The following APOL2 variants were observed in gnomAD, a reference collection of about 807,000 sequenced individuals.
APOL2 encodes the protein apolipoprotein L, 2.
In APOL2, 8 loss-of-function variants were observed where a neutral mutation model predicts 7.1. That is an observed-to-expected ratio of 1.12 (90% CI 0.66 to 2.03). The LOEUF (loss-of-function observed/expected upper bound fraction) is 2.03, where lower values mean the gene tolerates loss of function less well. APOL2 is among the 30% of genes most tolerant of loss of function. The probability of loss-of-function intolerance (pLI) is 0.00; values close to 1 mark genes in which losing one functional copy is unlikely to be tolerated. For synonymous variants in APOL2, 177 were observed against 159.9 expected (o/e 1.11, Z -0.81); for missense variants, 471 against 415.1 (o/e 1.13, Z -1.17).
At chr22:36,230,644 T>C (rs887426859) in intron 4 of APOL2, among the ~76,000 whole-genome samples, 1 of 152,156 alleles carries the variant, frequency 6.6e-6, no homozygotes, top group Non-Finnish European at 1.5e-5. Context: ...ACCTTTGACC[T>C]GGAGTTGCCT....
intron 4 of APOL2, among the ~76,000 whole-genome samples, chr22:36,230,584 G>T (rs1387757330): frequency 6.6e-6 from 1 of 152,128 alleles, no homozygotes. Flanking sequence ...CTCTGACACT[G>T]GTCCCGGTCT....
intron 3 of APOL2, among the ~76,000 whole-genome samples, chr22:36,232,950 G>C (rs1245535210): frequency 6.6e-6 from 1 of 152,018 alleles, no homozygotes; most frequent in Non-Finnish European, 1.5e-5. Context: ...CCTGGGCCGT[G>C]TCACCCCGAG....
rs779100390 is a variant in APOL2, at chr22:36,227,638, A to G, written c.780T>C (p.Val260=). ...TCATTGCCTGGGCGGGGCCTTCAACAACCCTCTCAACCTGTTCACCGCCTT... is the reference window on the plus strand; with the variant it reads ...TCATTGCCTGGGCGGGGCCTTCAACGACCCTCTCAACCTGTTCACCGCCTT... ...SAEGGEQVER[V]VEGPAQAMSR... Residue 260 remains valine (V), a synonymous_variant, in exon 5 of 5, where the codon GTT becomes GTC. Transcript: ENST00000358502. 2 of 1,614,200 alleles carry G rather than the reference A, an allele frequency of 1.2e-6. No individual in the cohort carries two copies. The highest frequency in any genetic ancestry group is 4.5e-5 in the East Asian group (2 of 44,880).
In APOL2 at chr22:36,233,584, T is replaced by A. The variant is rs1385960417; in HGVS notation, c.-133-129A>T. 4 of 830,716 alleles carry A rather than the reference T, an allele frequency of 4.8e-6. No homozygotes were observed. In the South Asian group the frequency reaches 6.2e-5, roughly 13 times the overall value. The allele number at this position is 830,716 out of a possible 1,614,324, so 51.5% of individuals were successfully genotyped here. ...TGACAATGACCTGGGCCTGGGAACA[T>A]GTATGATAACTAGTTGATGATAGCC... On this transcript the variant is annotated intron_variant, in intron 1 of 4. Coordinates refer to ENST00000358502, the MANE Select transcript of APOL2 (RefSeq NM_030882.4).
rs1189862241 is a variant in APOL2 at position 36,231,335 on chromosome 22, C to G, written c.137+5G>C. The stretch of plus-strand genomic sequence containing the variant: ...GCCCCATGGAGTTAACCCCATGGAG[C>G]TTACCTGGGCAGTTCAGCAGCAGCC... On this transcript the variant is annotated splice_donor_5th_base_variant and intron_variant, in intron 4 of 4. Transcript: ENST00000358502. The G allele has an allele frequency of 1.2e-6, 2 of 1,613,744 alleles. No individual in the cohort carries two copies. The highest frequency in any genetic ancestry group is 1.7e-6 in the Non-Finnish European group (2 of 1,179,790).
In APOL2 at chr22:36,227,140, C is replaced by T; in HGVS notation, c.*264G>A. The T allele has an allele frequency of 3.0e-6, 1 of 338,908 alleles. No individual in the cohort carries two copies. Among genetic ancestry groups the T allele is most frequent in the Admixed American group, 4.5e-5 (1 of 22,136 alleles). The allele number at this position is 338,908 out of a possible 1,614,324, so 21.0% of individuals were successfully genotyped here. A position where few individuals can be genotyped will look rare whatever the true frequency, so the allele number is the denominator to read the frequency against. The stretch of plus-strand genomic sequence containing the variant: ...ACCATCGTGGCTAACACAGTGAAAC[C>T]CCGTCTCCAGTGAAAATACAAAAAA... On this transcript the variant is annotated 3_prime_UTR_variant, in exon 5 of 5. Coordinates refer to ENST00000358502, the MANE Select transcript of APOL2 (RefSeq NM_030882.4).
At chr22:36,236,327 TCTTTTAAAGAG>T (rs931449221) in intron 1 of APOL2, among the ~76,000 whole-genome samples, 32 of 152,222 alleles carry the variant, frequency 2.1e-4, no homozygotes, top group African/African-American at 7.5e-4. Context: ...AATATTGTCA[TCTTTTAAAGAG>T]GGGAGTCAAG....
intron 1 of APOL2, among the ~76,000 whole-genome samples, chr22:36,233,714 A>G (rs1480971601): frequency 4.6e-5 from 7 of 152,232 alleles, no homozygotes; most frequent in Admixed American, 4.6e-4. Flanking sequence ...TTGAACACAG[A>G]GGAATCCACA....
chr22:36,226,668 G>GA lies in APOL2; in HGVS notation c.*735_*736insT, dbSNP rs1047255007. On this transcript the variant is annotated 3_prime_UTR_variant, in exon 5 of 5. Transcript: ENST00000358502. The stretch of plus-strand genomic sequence containing the variant: ...CTTGGAAGGACATCAAACCTGGGGG[G>GA]GGGTCGGTAGTGGAGCTGCTGTTTC... 2 of 150,422 alleles carry GA rather than the reference G, an allele frequency of 1.3e-5. No homozygotes were observed. Among genetic ancestry groups the GA allele is most frequent in the Non-Finnish European group, 2.9e-5 (2 of 68,106 alleles). 9.3% of individuals were successfully genotyped at this position (150,422 alleles called of 1,614,324 possible). A position where few individuals can be genotyped will look rare whatever the true frequency, so the allele number is the denominator to read the frequency against.
intron 1 of APOL2, 157 bp downstream of exon 1, chr22:36,239,284 C>G (rs2015520341): frequency 7.3e-7 from 1 of 1,378,060 alleles, no homozygotes; most frequent in Non-Finnish European, 9.4e-7. Context: ...AGACTCAAGC[C>G]TGGGTGCAAA....
chr22:36,239,379 T>A, intron 1 of APOL2, 62 bp downstream of exon 1: 1 of 1,455,432 alleles, frequency 6.9e-7, no homozygotes, highest in Non-Finnish European at 9.3e-7. Flanking sequence ...GAATGATCCT[T>A]CCCTTATAGA....
At position 36,227,473 on chromosome 22, in the gene APOL2, C is replaced by T; in HGVS notation, c.945G>A (p.Gln315=). 1 of 1,614,194 alleles carries T rather than the reference C, an allele frequency of 6.2e-7. No homozygotes were observed. The highest frequency in any genetic ancestry group is 1.7e-5 in the Admixed American group (1 of 60,024). ...GAAAGTTGAGCTTCCCCTCCAGCTC[C>T]TGAGCCCGCTTCTTCAGCTCCTCAG... ...ESAEELKKRA[Q]ELEGKLNFLT... Residue 315 remains glutamine, a synonymous_variant, in exon 5 of 5, where the codon CAG becomes CAA. Transcript: ENST00000358502.
intron 1 of APOL2, chr22:36,239,048 G>A: frequency 2.1e-6 from 2 of 968,426 alleles, no homozygotes; most frequent in Non-Finnish European, 2.6e-6. Flanking sequence ...CGGCCACAAG[G>A]ACATGCCGGG....
chr22:36,239,480 C>A lies in APOL2; in HGVS notation c.-173G>T. ...CTGACAGAGACTGAGCAAGATCCAA[C>A]TGTTCTGAGCTGTGTGGATCCCACG... is the stretch of plus-strand genomic sequence containing the variant. On this transcript the variant is annotated 5_prime_UTR_variant, in exon 1 of 5. Transcript: ENST00000358502. The A allele has an allele frequency of 6.3e-7, 1 of 1,581,954 alleles. No individual in the cohort carries two copies. Among genetic ancestry groups the A allele is most frequent in the Non-Finnish European group, 8.5e-7 (1 of 1,170,710 alleles).
At chr22:36,236,940 T>C (rs751261522) in intron 1 of APOL2, 187 of 1,324,854 alleles carry the variant, frequency 1.4e-4, no homozygotes, top group East Asian at 2.7e-4. Context: ...TCCTGCTTTG[T>C]TCACTCTGTG....
intron 3 of APOL2, among the ~76,000 whole-genome samples, chr22:36,231,895 G>A (rs1305080084): frequency 2.0e-5 from 3 of 152,178 alleles, no homozygotes; most frequent in Non-Finnish European, 4.4e-5. Context: ...ACCCCACTGG[G>A]CCCAACTGGC....
intron 1 of APOL2, chr22:36,239,126 C>T (rs2015513795): frequency 8.3e-7 from 1 of 1,203,180 alleles, no homozygotes; most frequent in Admixed American, 4.0e-5. Context: ...TGGGCACCCC[C>T]AACACCTACC....
chr22:36,227,744 C>T lies in APOL2; in HGVS notation c.674G>A (p.Arg225His), dbSNP rs537459992. 1.2e-5 allele frequency: 19 copies of T among 1,614,208 alleles called. No individual in the cohort carries two copies. In the Middle Eastern group the frequency reaches 4.9e-4, roughly 42 times the overall value. The change falls in exon 5 of 5, where the codon CGT becomes CAT. Residue 225 changes from arginine to histidine, a missense_variant. Transcript: ENST00000358502. The stretch of plus-strand genomic sequence containing the variant: ...GTTGGCTCTGGCTCGTCTGATGGCA[C>T]GGATGTTCCTCCCAATCCCTTGTGT... The part of the protein sequence containing the change: ...QVTQGIGRNI[R>H]AIRRARANPQ...
chr22:36,227,830 C>T lies in APOL2; in HGVS notation c.588G>A (p.Lys196=), dbSNP rs745778697. 4 of 1,614,248 alleles carry T rather than the reference C, an allele frequency of 2.5e-6. No individual in the cohort carries two copies. Among genetic ancestry groups the T allele is most frequent in the Middle Eastern group, 3.3e-4 (2 of 6,060 alleles). ...QSGTNVAKVM[K]EFVGGNTPNV... ...TGGGTGTGTTCCCACCCACAAACTCCTTCATCACCTTTGCTACATTGGTGC... is the reference window on the plus strand; with the variant it reads ...TGGGTGTGTTCCCACCCACAAACTCTTTCATCACCTTTGCTACATTGGTGC... Residue 196 remains lysine, a synonymous_variant, in exon 5 of 5, where the codon AAG becomes AAA. Transcript: ENST00000358502.
Sources: allele counts gnomAD v4.1 joint callset (sites outside exome capture counted in the v4.1 genomes callset), GRCh38; gene constraint gnomAD v4.1.1; transcripts MANE v1.5; gene names NCBI Gene and HGNC (gene_info 2026-07-23, HGNC 2026-07-21).